Variants in CLIC5 observed in about 807,000 individuals in gnomAD.
CLIC5 encodes chloride intracellular channel protein 5.
In CLIC5, 20 loss-of-function variants were observed where a neutral mutation model predicts 24.7. The observed-to-expected ratio is 0.81, with a 90% CI of 0.57 to 1.18. The LOEUF (loss-of-function observed/expected upper bound fraction) is 1.18. Ranked by LOEUF, CLIC5 falls within the 50% of genes most tolerant of loss-of-function variation. CLIC5 has a pLI of 0.00. For synonymous variants in CLIC5, 159 were observed against 135.6 expected, an observed-to-expected ratio of 1.17 and a Z score of -1.20; for missense variants, 341 against 326.1, an observed-to-expected ratio of 1.05 and a Z score of -0.35.
chr6:46,033,415 G>A (rs1388962299), intron 1 of CLIC5, among the ~76,000 whole-genome samples: 1 of 152,108 alleles, frequency 6.6e-6, no homozygotes, highest in Admixed American at 6.5e-5. Context: ...GAGCTGACTT[G>A]TAAACTATTC....
At position 45,971,603 on chromosome 6, in the gene CLIC5, A is replaced by G. The variant is rs975931798; in HGVS notation, c.64-16359T>C. Among the ~76,000 whole-genome samples the G allele has an allele frequency of 1.1e-4, 16 of 152,350 alleles. No homozygotes were observed. In the East Asian group the frequency reaches 3.1e-3, roughly 29 times the overall value. On this transcript the variant is annotated intron_variant, in intron 1 of 5. Coordinates refer to ENST00000339561, the MANE Select transcript of CLIC5 (RefSeq NM_016929.5). ...TAGATCCTATCTAATGTTTAGGATC[A>G]GCCCCTTCAAATTGTTTTTTGATGG...
At chr6:46,056,177 AAGGGGT>A (rs1389230028) in intron 1 of CLIC5, among the ~76,000 whole-genome samples, 1 of 152,124 alleles carries the variant, frequency 6.6e-6, no homozygotes, top group East Asian at 1.9e-4. Flanking sequence ...TCAAACTAGA[AAGGGGT>A]AGTGCTTAGA....
intron 1 of CLIC5, among the ~76,000 whole-genome samples, chr6:46,028,529 C>T (rs1417713164): frequency 6.6e-6 from 1 of 152,164 alleles, no homozygotes; most frequent in Non-Finnish European, 1.5e-5. Flanking sequence ...ATGATTATAC[C>T]TCCCATTTAT....
chr6:46,038,203 A>C (rs368115493), intron 1 of CLIC5, among the ~76,000 whole-genome samples: 21 of 152,228 alleles, frequency 1.4e-4, no homozygotes, highest in Non-Finnish European at 2.1e-4. Context: ...TGAAAAAAAA[A>C]TGAAGCACAG....
At chr6:45,884,089 G>T (rs915447813) in intron 6 of CLIC5, among the ~76,000 whole-genome samples, 3 of 152,172 alleles carry the variant, frequency 2.0e-5, no homozygotes, top group Non-Finnish European at 4.4e-5. Context: ...TCTGGGACTG[G>T]TTCAGAAGCT....
chr6:45,890,729 G>T lies in CLIC5; in HGVS notation c.624-9541C>A, dbSNP rs1169387191. Among the ~76,000 whole-genome samples, 3 of 152,136 alleles carry T rather than the reference G, an allele frequency of 2.0e-5. No homozygotes were observed. In the South Asian group the frequency reaches 6.2e-4, roughly 32 times the overall value. ...TATAATCACAATGGAATGCCATTCA[G>T]CCTTAAAAAAACAAAACAAAACAGG... On this transcript the variant is annotated intron_variant, in intron 6 of 6. Coordinates refer to the CLIC5 transcript ENST00000644324.
chr6:45,989,875 G>T (rs1020283735), intron 1 of CLIC5, among the ~76,000 whole-genome samples: 17 of 152,142 alleles, frequency 1.1e-4, no homozygotes, highest in Non-Finnish European at 2.2e-4. Flanking sequence ...TAACTCCTGG[G>T]TGTTTCTGTG....
the CLIC5 span, chr6:46,129,678 A>C: frequency 6.6e-6 from 1 of 152,194 alleles, no homozygotes. Flanking sequence ...TGCCAGGTGC[A>C]CATTAACTAA....
upstream of CLIC5, among the ~76,000 whole-genome samples, chr6:46,084,759 T>C (rs867888286): frequency 4.6e-5 from 7 of 152,342 alleles, no homozygotes; most frequent in Middle Eastern, 6.8e-3. Flanking sequence ...GTCTTGGAGA[T>C]GCTTTTCTCG....
At chr6:45,911,914 A>G in intron 5 of CLIC5, 1 of 985,570 alleles carries the variant, frequency 1.0e-6, no homozygotes, top group African/African-American at 1.7e-5. Flanking sequence ...GGAGGGGGCC[A>G]GACAATGAAT....
chr6:45,986,291 G>C (rs1008604714), intron 1 of CLIC5, among the ~76,000 whole-genome samples: 3 of 152,138 alleles, frequency 2.0e-5, no homozygotes, highest in Non-Finnish European at 2.9e-5. Context: ...AGGAATGCAG[G>C]GTGGTCAGAA....
upstream of CLIC5, among the ~76,000 whole-genome samples, chr6:46,082,520 G>A (rs772423507): frequency 4.6e-5 from 7 of 152,076 alleles, no homozygotes; most frequent in Non-Finnish European, 1.0e-4. Context: ...TCCTATACCT[G>A]TTTTTTCACC....
intron 1 of CLIC5, among the ~76,000 whole-genome samples, chr6:46,008,883 C>T (rs1436870724): frequency 6.6e-6 from 1 of 152,090 alleles, no homozygotes; most frequent in East Asian, 1.9e-4. Flanking sequence ...GCGACTGGAC[C>T]ATATTTTGTC....
rs376857948 is a variant in CLIC5, at chr6:46,027,160, T to G, written c.540+52543A>C. 2.0e-5 allele frequency among the ~76,000 whole-genome samples: 3 copies of G among 152,230 alleles called. No homozygotes were observed. The East Asian group carries it at 5.8e-4, about 29-fold the overall frequency. ...ACAAACACATAAGCAAACAAATAGA[T>G]GTACAATATTAAATTATGATCAAAG... is the stretch of plus-strand genomic sequence containing the variant. On this transcript the variant is annotated intron_variant, in intron 1 of 5. Coordinates refer to the CLIC5 transcript ENST00000185206.
intron 1 of CLIC5, among the ~76,000 whole-genome samples, chr6:45,982,994 T>G (rs1300737889): frequency 6.6e-6 from 1 of 152,138 alleles, no homozygotes; most frequent in African/African-American, 2.4e-5. Flanking sequence ...ATAAGGTGAA[T>G]TACTAAGGCT....
rs899302655 is a variant in CLIC5 at position 45,902,600 on chromosome 6, G to C, written c.*488C>G. 6.4e-6 allele frequency: 1 copy of C among 157,300 alleles called. No individual in the cohort carries two copies. Among genetic ancestry groups the C allele is most frequent in the Non-Finnish European group, 1.4e-5 (1 of 70,676 alleles). The allele number at this position is 157,300 out of a possible 1,614,324, so 9.7% of individuals were successfully genotyped here. On this transcript the variant is annotated 3_prime_UTR_variant, in exon 6 of 6. Transcript: ENST00000339561. ...AGACACCCAAGTCCATAGCCAGCTC[G>C]GTACTCCTCCATTCACTCTCTCTGT... is the stretch of plus-strand genomic sequence containing the variant.
At chr6:45,937,153 C>A (rs1763967381) in intron 4 of CLIC5, among the ~76,000 whole-genome samples, 1 of 152,064 alleles carries the variant, frequency 6.6e-6, no homozygotes, top group South Asian at 2.1e-4. Flanking sequence ...CATGCACCAA[C>A]AAAGTTTAAA....
At chr6:46,120,633 C>T in the CLIC5 span, among the ~76,000 whole-genome samples, 10 of 152,192 alleles carry the variant, frequency 6.6e-5, no homozygotes, top group East Asian at 1.9e-4. Flanking sequence ...CAAACTTCTC[C>T]GAGCTAAAGG....
rs142498330 is a variant in CLIC5 at position 45,967,853 on chromosome 6, C to A, written c.64-12609G>T. Reference sequence around the variant, plus strand: ...ACAGCTCTCCTGTGAACTATCAGAGCGAGAACTCACTCATTACCATGGGGA... The same window carrying A: ...ACAGCTCTCCTGTGAACTATCAGAGAGAGAACTCACTCATTACCATGGGGA... On this transcript the variant is annotated intron_variant, in intron 1 of 5. Coordinates refer to ENST00000339561, the MANE Select transcript of CLIC5 (RefSeq NM_016929.5). 1.0e-3 allele frequency among the ~76,000 whole-genome samples: 156 copies of A among 152,172 alleles called. 2 individuals are homozygous for A. The highest frequency in any genetic ancestry group is 9.3e-3 in the Admixed American group (142 of 15,286).
Sources: gnomAD v4.1 joint callset for allele counts (sites outside exome capture counted in the v4.1 genomes callset) on GRCh38, gnomAD v4.1.1 for gene constraint, MANE v1.5 for transcripts, NCBI Gene and HGNC (gene_info 2026-07-23, HGNC 2026-07-21) for gene names.